The following GRHL2 variants were observed in gnomAD, a reference collection of about 807,000 sequenced individuals.
GRHL2 encodes grainyhead-like protein 2 homolog.
A neutral mutation model predicts 83.8 loss-of-function variants in GRHL2; 21 were observed. The observed-to-expected ratio is 0.25, with a 90% CI of 0.18 to 0.36. GRHL2 has a LOEUF of 0.36. Ranked by LOEUF, GRHL2 falls within the 10% of genes least tolerant of loss-of-function variation. The probability of loss-of-function intolerance (pLI) is 1.00; values close to 1 mark genes in which losing one functional copy is unlikely to be tolerated. For missense variants in GRHL2, 623 were observed against 781.8 expected, an observed-to-expected ratio of 0.80 and a Z score of 2.42; for synonymous variants, 280 against 278.9, an observed-to-expected ratio of 1.00 and a Z score of -0.04.
At chr8:101,655,253 G>A (rs532841772) in intron 14 of GRHL2, among the ~76,000 whole-genome samples, 1 of 152,238 alleles carries the variant, frequency 6.6e-6, no homozygotes, top group East Asian at 1.9e-4. Flanking sequence ...AAATGCAAGT[G>A]CAGCAGCATG....
Position 101,532,642 on chromosome 8 carries a change from CGGCG to C in GRHL2, c.21-10596_21-10593del, listed in dbSNP as rs1396493292. Among the ~76,000 whole-genome samples the C allele has an allele frequency of 3.3e-5, 5 of 151,632 alleles. No homozygotes were observed. In the East Asian group the frequency reaches 9.7e-4, roughly 29 times the overall value. ...GCATGCACCTGCAATCCCAGCTACTCGGCGGGGGGGCTGAGGCAGGAGAATTGCT... is the reference window on the plus strand; with the variant it reads ...GCATGCACCTGCAATCCCAGCTACTCGGGGGGCTGAGGCAGGAGAATTGCT... On this transcript the variant is annotated intron_variant, in intron 1 of 15. Coordinates refer to ENST00000646743, the MANE Select transcript of GRHL2 (RefSeq NM_024915.4).
intron 12 of GRHL2, among the ~76,000 whole-genome samples, chr8:101,642,337 G>T (rs1813418481): frequency 6.6e-6 from 1 of 152,208 alleles, no homozygotes; most frequent in Non-Finnish European, 1.5e-5. Flanking sequence ...AGAACAGGGT[G>T]CTATCAAAAG....
rs779951984 is a variant in GRHL2, at chr8:101,543,301, A to T, written c.81A>T (p.Arg27Ser). The change falls in exon 2 of 16, where the codon AGA (arginine) becomes AGT (serine). Residue 27 changes from arginine to serine, a missense_variant. Physicochemically the swap from Arg to Ser is moderately radical, Grantham distance 110 (BLOSUM62 -1). Transcript: ENST00000646743. ...GTGACCCTCCATTCAATACCCGAAGAGCCTACACCAGTGAGGATGAAGCCT... is the reference window on the plus strand; with the variant it reads ...GTGACCCTCCATTCAATACCCGAAGTGCCTACACCAGTGAGGATGAAGCCT... ...MPSDPPFNTR[R>S]AYTSEDEAWK... The T allele has an allele frequency of 3.1e-6, 5 of 1,614,116 alleles. No individual in the cohort carries two copies. The highest frequency in any genetic ancestry group is 4.2e-6 in the Non-Finnish European group (5 of 1,179,992).
At chr8:101,547,475 G>C (rs888033964) in intron 2 of GRHL2, among the ~76,000 whole-genome samples, 3 of 152,218 alleles carry the variant, frequency 2.0e-5, no homozygotes, top group African/African-American at 7.2e-5. Flanking sequence ...AGGCACTCCA[G>C]AAATGGTGGT....
intron 1 of GRHL2, among the ~76,000 whole-genome samples, chr8:101,512,295 T>C (rs1810482644): frequency 6.6e-6 from 1 of 152,170 alleles, no homozygotes; most frequent in Non-Finnish European, 1.5e-5. Context: ...CATGCATTCC[T>C]ATAAAAACAA....
chr8:101,569,138 G>T (rs762597246), intron 4 of GRHL2, among the ~76,000 whole-genome samples: 1 of 152,166 alleles, frequency 6.6e-6, no homozygotes, highest in Non-Finnish European at 1.5e-5. Context: ...AAGATACGTG[G>T]TCAATGAAAT....
At chr8:101,559,574 C>T (rs1811565026) in intron 4 of GRHL2, among the ~76,000 whole-genome samples, 2 of 151,972 alleles carry the variant, frequency 1.3e-5, no homozygotes, top group African/African-American at 4.8e-5. Context: ...AAAACCTTGT[C>T]TGATGGAATA....
intron 1 of GRHL2, among the ~76,000 whole-genome samples, chr8:101,541,738 A>C (rs1227951608): frequency 6.6e-6 from 1 of 152,166 alleles, no homozygotes; most frequent in East Asian, 1.9e-4. Flanking sequence ...GTTATTTGAT[A>C]GCCGAGCACC....
rs147012553 is a variant in GRHL2 at position 101,522,448 on chromosome 8, A to C, written c.21-20793A>C. On this transcript the variant is annotated intron_variant, in intron 1 of 15. Coordinates refer to ENST00000646743, the MANE Select transcript of GRHL2 (RefSeq NM_024915.4). ...AATACCAGGCCATTTTATATACGAC[A>C]CTTGAGCATCTGTGGGCCTGGAACC... is the stretch of plus-strand genomic sequence containing the variant. Among the ~76,000 whole-genome samples the C allele has an allele frequency of 2.0e-5, 3 of 152,332 alleles. No homozygotes were observed. In the East Asian group the frequency reaches 5.8e-4, roughly 29 times the overall value.
At chr8:101,505,460 C>T (rs1244436082) in intron 1 of GRHL2, among the ~76,000 whole-genome samples, 1 of 151,140 alleles carries the variant, frequency 6.6e-6, no homozygotes, top group African/African-American at 2.4e-5. Context: ...GCCTGTAATC[C>T]CAGCTACTCG....
intron 7 of GRHL2, among the ~76,000 whole-genome samples, chr8:101,597,141 C>T (rs879509890): frequency 6.6e-6 from 1 of 152,134 alleles, no homozygotes; most frequent in Non-Finnish European, 1.5e-5. Context: ...GCTGATCCAT[C>T]CTGGAGAGTG....
chr8:101,544,050 A>G (rs1811211493), intron 2 of GRHL2: 1 of 155,812 alleles, frequency 6.4e-6, no homozygotes. Context: ...CACAATTCAA[A>G]TTATCTGCCA....
rs1181012462 is a variant in GRHL2, at chr8:101,623,986, TCACAGTAGGACAGTA to T, written c.1257+4319_1257+4333del. Among the ~76,000 whole-genome samples the T allele has an allele frequency of 7.4e-3, 594 of 79,776 alleles. 3 individuals are homozygous for T. The highest frequency in any genetic ancestry group is 0.025 in the African/African-American group (506 of 20,376). The allele number at this position is 79,776 out of a possible 152,430, so 52.3% of individuals were successfully genotyped here. A position where few individuals can be genotyped will look rare whatever the true frequency, so the allele number is the denominator to read the frequency against. On this transcript the variant is annotated intron_variant, in intron 9 of 15. Coordinates refer to ENST00000646743, the MANE Select transcript of GRHL2 (RefSeq NM_024915.4). ...GACAGTACACAGTACACAGGACAGT[TCACAGTAGGACAGTA>T]CACAGTAGGACAGTACACAGTAGGA...
At chr8:101,601,349 G>A (rs1437954484) in intron 8 of GRHL2, among the ~76,000 whole-genome samples, 1 of 152,194 alleles carries the variant, frequency 6.6e-6, no homozygotes, top group Non-Finnish European at 1.5e-5. Context: ...TGCTTCAATA[G>A]GGACCTTTTA....
At chr8:101,569,958 C>G (rs551759285) in intron 4 of GRHL2, among the ~76,000 whole-genome samples, 1 of 152,092 alleles carries the variant, frequency 6.6e-6, no homozygotes, top group Non-Finnish European at 1.5e-5. Context: ...CTTTTTGCTG[C>G]GCTATATGAC....
intron 1 of GRHL2, among the ~76,000 whole-genome samples, chr8:101,519,039 A>G (rs971944538): frequency 1.1e-5 from 1 of 89,940 alleles, no homozygotes; most frequent in Non-Finnish European, 2.8e-5. Flanking sequence ...ACATACACAC[A>G]TACACAATTT....
intron 5 of GRHL2, among the ~76,000 whole-genome samples, chr8:101,571,235 A>C (rs1019638766): frequency 2.0e-5 from 3 of 152,226 alleles, no homozygotes; most frequent in African/African-American, 4.8e-5. Flanking sequence ...ATTCACAGGA[A>C]GTGGCATTTG....
intron 12 of GRHL2, among the ~76,000 whole-genome samples, chr8:101,639,633 A>C (rs1306454455): frequency 6.6e-6 from 1 of 152,244 alleles, no homozygotes; most frequent in East Asian, 1.9e-4. Context: ...ATTGAGAGAC[A>C]GGCCCTCCCT....
chr8:101,615,285 A>G (rs138499290), intron 8 of GRHL2, among the ~76,000 whole-genome samples: 107 of 152,326 alleles, frequency 7.0e-4, no homozygotes, highest in African/African-American at 2.4e-3. Context: ...CCTTGTAAAT[A>G]TTCACAATCC....
Sources: allele counts gnomAD v4.1 joint callset (sites outside exome capture counted in the v4.1 genomes callset), GRCh38; gene constraint gnomAD v4.1.1; transcripts MANE v1.5; gene names NCBI Gene and HGNC (gene_info 2026-07-23, HGNC 2026-07-21).